The following CDH12 variants were observed in gnomAD, a reference collection of about 807,000 sequenced individuals.
CDH12 encodes cadherin-12.
CDH12 carries 41 observed loss-of-function variants against 74.1 expected under a neutral mutation model. That is an observed-to-expected ratio of 0.55 (90% CI 0.43 to 0.72). The LOEUF (loss-of-function observed/expected upper bound fraction) is 0.72, where lower values mean the gene tolerates loss of function less well. CDH12 is among the 30% of genes least tolerant of loss of function. The pLI is 0.00. For missense variants in CDH12, 945 were observed against 977.2 expected, an observed-to-expected ratio of 0.97 and a Z score of 0.44; for synonymous variants, 399 against 355.0, an observed-to-expected ratio of 1.12 and a Z score of -1.39.
intron 1 of CDH12, among the ~76,000 whole-genome samples, chr5:22,806,351 C>CT (rs35491823): frequency 0.015 from 1,932 of 126,330 alleles, 31 homozygotes; most frequent in Non-Finnish European, 0.02. Context: ...GATTGCCATT[C>CT]TTTTTTTTTT....
chr5:22,082,369 G>T (rs1329929752), intron 4 of CDH12, among the ~76,000 whole-genome samples: 2 of 152,060 alleles, frequency 1.3e-5, no homozygotes, highest in Admixed American at 1.3e-4. Context: ...AGTAACCTAG[G>T]CTTTCTTGAA....
chr5:21,983,399 C>CT (rs1273000925), intron 5 of CDH12, among the ~76,000 whole-genome samples: 1 of 151,860 alleles, frequency 6.6e-6, no homozygotes, highest in Non-Finnish European at 1.5e-5. Flanking sequence ...TCTTTTTTCC[C>CT]TTTTTATTTT....
intron 8 of CDH12, among the ~76,000 whole-genome samples, chr5:21,833,446 T>C (rs1196891607): frequency 3.2e-5 from 3 of 93,792 alleles, no homozygotes; most frequent in Non-Finnish European, 5.9e-5. Flanking sequence ...TTACATATAT[T>C]ATTAATATAT....
intron 1 of CDH12, among the ~76,000 whole-genome samples, chr5:22,644,367 C>T (rs918226885): frequency 1.7e-4 from 26 of 151,906 alleles, no homozygotes; most frequent in African/African-American, 5.3e-4. Context: ...ATTGCTAATA[C>T]GGAAAAAATT....
intron 6 of CDH12, among the ~76,000 whole-genome samples, 183 bp downstream of exon 6, chr5:21,974,908 T>G (rs540729916): frequency 6.6e-6 from 1 of 152,338 alleles, no homozygotes; most frequent in South Asian, 2.1e-4. Flanking sequence ...ATTCCTGTAC[T>G]TATCTTCATA....
rs1740437842 is a variant in CDH12 at position 22,353,487 on chromosome 5, C to T, written c.-333+51770G>A. 2.6e-5 allele frequency among the ~76,000 whole-genome samples: 4 copies of T among 152,018 alleles called. No individual in the cohort carries two copies. The South Asian group carries it at 8.3e-4, about 32-fold the overall frequency. ...TAAATGGACCACATTAAGAAATAGGCTAAAATATGAAATATCCAAATAGTG... is the reference window on the plus strand; with the variant it reads ...TAAATGGACCACATTAAGAAATAGGTTAAAATATGAAATATCCAAATAGTG... On this transcript the variant is annotated intron_variant, in intron 3 of 14. Transcript: ENST00000382254.
At chr5:22,294,533 C>G (rs1737540266) in intron 3 of CDH12, among the ~76,000 whole-genome samples, 1 of 152,134 alleles carries the variant, frequency 6.6e-6, no homozygotes, top group Non-Finnish European at 1.5e-5. Flanking sequence ...AGTACATGCT[C>G]TTACACAAGG....
intron 7 of CDH12, among the ~76,000 whole-genome samples, chr5:21,852,669 C>T (rs1048642212): frequency 6.6e-6 from 1 of 151,342 alleles, no homozygotes; most frequent in African/African-American, 2.4e-5. Flanking sequence ...TAAGAGAATA[C>T]TCACTCTTAT....
chr5:22,529,209 AG>A (rs1360806020), intron 1 of CDH12, among the ~76,000 whole-genome samples: 3 of 140,630 alleles, frequency 2.1e-5, no homozygotes, highest in Non-Finnish European at 4.8e-5. Flanking sequence ...AGAGAGAGAG[AG>A]AGAGAGAGAG....
intron 4 of CDH12, among the ~76,000 whole-genome samples, chr5:22,081,465 A>T (rs1276853934): frequency 6.6e-6 from 1 of 152,188 alleles, no homozygotes; most frequent in Admixed American, 6.5e-5. Flanking sequence ...TATTCCAAGC[A>T]TATCAGTTCA....
chr5:22,412,575 CTT>C (rs1743209527), intron 2 of CDH12, among the ~76,000 whole-genome samples: 1 of 151,720 alleles, frequency 6.6e-6, no homozygotes, highest in Non-Finnish European at 1.5e-5. Context: ...TTTTATATGA[CTT>C]TAATCACAAT....
intron 4 of CDH12, among the ~76,000 whole-genome samples, chr5:22,088,397 T>C (rs923452168): frequency 6.6e-6 from 1 of 152,084 alleles, no homozygotes; most frequent in African/African-American, 2.4e-5. Context: ...AAGTCAAGCA[T>C]ACTGGGACCT....
At chr5:22,156,416 A>C (rs1390564940) in intron 4 of CDH12, among the ~76,000 whole-genome samples, 1 of 152,180 alleles carries the variant, frequency 6.6e-6, no homozygotes, top group African/African-American at 2.4e-5. Flanking sequence ...GTTTGCCTAT[A>C]AAGTCTTACT....
At chr5:22,290,666 A>G (rs1260986613) in intron 3 of CDH12, among the ~76,000 whole-genome samples, 1 of 152,172 alleles carries the variant, frequency 6.6e-6, no homozygotes, top group African/African-American at 2.4e-5. Flanking sequence ...GCACCAAAAG[A>G]GCAAATGATT....
intron 10 of CDH12, among the ~76,000 whole-genome samples, chr5:21,799,442 T>C (rs1293503083): frequency 2.0e-5 from 3 of 152,074 alleles, no homozygotes; most frequent in African/African-American, 2.4e-5. Flanking sequence ...AATGAGAAAG[T>C]GTGTTTAGAA....
chr5:22,042,720 T>C (rs918041166), intron 5 of CDH12, among the ~76,000 whole-genome samples: 1 of 151,752 alleles, frequency 6.6e-6, no homozygotes, highest in Non-Finnish European at 1.5e-5. Flanking sequence ...ACTCCATTTC[T>C]ACAAAAAATA....
intron 1 of CDH12, among the ~76,000 whole-genome samples, chr5:22,667,127 G>T (rs1169077857): frequency 6.6e-6 from 1 of 152,192 alleles, no homozygotes; most frequent in African/African-American, 2.4e-5. Context: ...TGTGAACACA[G>T]ACTTTTGCAT....
chr5:22,426,652 GC>G (rs1743953166), intron 2 of CDH12, among the ~76,000 whole-genome samples: 1 of 151,996 alleles, frequency 6.6e-6, no homozygotes, highest in Non-Finnish European at 1.5e-5. Flanking sequence ...TATTTAATTT[GC>G]TGGCAATACA....
intron 5 of CDH12, among the ~76,000 whole-genome samples, chr5:22,030,857 G>A (rs561174220): frequency 1.3e-5 from 2 of 152,280 alleles, no homozygotes; most frequent in Non-Finnish European, 2.9e-5. Flanking sequence ...ACTTGCTGCA[G>A]TTGTAGACAT....
Sources: allele counts gnomAD v4.1 joint callset (sites outside exome capture counted in the v4.1 genomes callset), GRCh38; gene constraint gnomAD v4.1.1; transcripts MANE v1.5; gene names NCBI Gene and HGNC (gene_info 2026-07-23, HGNC 2026-07-21).